SUGCT: variants seen among roughly 807,000 people sequenced by gnomAD.
SUGCT encodes the protein succinyl-CoA:glutarate CoA-transferase.
A neutral mutation model predicts 55.0 loss-of-function variants in SUGCT; 41 were observed. The observed-to-expected ratio is 0.74, with a 90% CI of 0.58 to 0.97. The LOEUF is 0.97. Among genes scored for constraint, SUGCT ranks in the 50% least tolerant of loss-of-function variants. The pLI is 0.00. For missense variants in SUGCT, 568 were observed against 547.8 expected, an observed-to-expected ratio of 1.04 and a Z score of -0.37; for synonymous variants, 187 against 200.4, an observed-to-expected ratio of 0.93 and a Z score of 0.56.
chr7:40,913,651 C>T, the SUGCT span, among the ~76,000 whole-genome samples: 43 of 152,278 alleles, frequency 2.8e-4, no homozygotes, highest in Admixed American at 6.5e-4. Flanking sequence ...CACTATTTTG[C>T]ATGCTGACTT....
intron 9 of SUGCT, among the ~76,000 whole-genome samples, chr7:40,430,383 C>T (rs1787830119): frequency 6.6e-6 from 1 of 152,180 alleles, no homozygotes; most frequent in Non-Finnish European, 1.5e-5. Flanking sequence ...GGCAGTATCT[C>T]ATAGTGGTTT....
intron 8 of SUGCT, among the ~76,000 whole-genome samples, chr7:40,278,024 T>G (rs2151010298): frequency 6.6e-6 from 1 of 152,286 alleles, no homozygotes. Flanking sequence ...GAACTCATCA[T>G]TTTTTATGGC....
Position 40,153,508 on chromosome 7 carries a change from T to C in SUGCT, c.100+18388T>C, listed in dbSNP as rs144357526. 19 of 380,230 alleles carry C rather than the reference T, an allele frequency of 5.0e-5. No homozygotes were observed. The East Asian group carries it at 1.3e-3, about 26-fold the overall frequency. 23.6% of individuals were successfully genotyped at this position (380,230 alleles called of 1,614,324 possible). ...CTCCACTGAAGACGTATCACACATT[T>C]TGGACCTATGACTCTTTTGTACCTA... On this transcript the variant is annotated intron_variant, in intron 1 of 13. Transcript: ENST00000335693.
intron 6 of SUGCT, among the ~76,000 whole-genome samples, chr7:40,226,158 G>C (rs1447328282): frequency 2.0e-5 from 3 of 152,086 alleles, no homozygotes; most frequent in Non-Finnish European, 4.4e-5. Flanking sequence ...TGCTGAGGTT[G>C]GTTTTGGAAT....
intron 13 of SUGCT, among the ~76,000 whole-genome samples, chr7:40,824,503 CAG>C (rs371140520): frequency 5.3e-4 from 81 of 152,240 alleles, no homozygotes; most frequent in African/African-American, 1.9e-3. Flanking sequence ...ATAAGCAACA[CAG>C]AGAACATACA....
intron 6 of SUGCT, among the ~76,000 whole-genome samples, chr7:40,205,502 A>G (rs1786914694): frequency 6.6e-6 from 1 of 151,206 alleles, no homozygotes. Flanking sequence ...TTAACCGGGC[A>G]TGGTGGTGCA....
intron 13 of SUGCT, among the ~76,000 whole-genome samples, chr7:40,808,665 A>G (rs1202760634): frequency 1.3e-5 from 2 of 152,206 alleles, no homozygotes; most frequent in Non-Finnish European, 1.5e-5. Context: ...GATCTTTAAG[A>G]GGCAATAAGT....
intron 9 of SUGCT, among the ~76,000 whole-genome samples, chr7:40,328,721 GTGTGTGTGTA>G (rs937031996): frequency 5.3e-5 from 8 of 151,210 alleles, no homozygotes; most frequent in Non-Finnish European, 1.0e-4. Flanking sequence ...ACATGTGTAT[GTGTGTGTGTA>G]TGTGTGTGTA....
At chr7:40,631,136 CAT>C (rs903256836) in intron 12 of SUGCT, among the ~76,000 whole-genome samples, 37 of 152,248 alleles carry the variant, frequency 2.4e-4, no homozygotes, top group African/African-American at 8.2e-4. Context: ...AAAGAACAAA[CAT>C]ATGAAAACAG....
chr7:40,769,952 T>G (rs959560503), intron 13 of SUGCT, among the ~76,000 whole-genome samples: 5 of 152,232 alleles, frequency 3.3e-5, no homozygotes, highest in African/African-American at 1.2e-4. Flanking sequence ...GCCTGTATAT[T>G]AACTCACTCA....
the SUGCT span, among the ~76,000 whole-genome samples, chr7:41,031,720 C>T: frequency 6.6e-6 from 1 of 152,188 alleles, no homozygotes; most frequent in Non-Finnish European, 1.5e-5. Context: ...TACCATTTCT[C>T]CTAGAATGAC....
chr7:40,688,253 C>G (rs1193651626), intron 12 of SUGCT, among the ~76,000 whole-genome samples: 1 of 152,180 alleles, frequency 6.6e-6, no homozygotes, highest in East Asian at 1.9e-4. Context: ...CAGTCTTTCT[C>G]TGTTACACAG....
chr7:40,232,696 G>A (rs140066984), intron 6 of SUGCT, among the ~76,000 whole-genome samples: 4 of 152,138 alleles, frequency 2.6e-5, no homozygotes, highest in Non-Finnish European at 4.4e-5. Context: ...AGAAATTCAC[G>A]TTTTGCTTTC....
At chr7:40,216,058 A>G (rs1787614515) in intron 6 of SUGCT, among the ~76,000 whole-genome samples, 1 of 151,752 alleles carries the variant, frequency 6.6e-6, no homozygotes, top group Non-Finnish European at 1.5e-5. Flanking sequence ...TAGAACAGAA[A>G]TTATTGATAT....
intron 13 of SUGCT, among the ~76,000 whole-genome samples, chr7:40,763,004 AT>A (rs1788610311): frequency 1.3e-5 from 2 of 151,682 alleles, no homozygotes; most frequent in Admixed American, 1.3e-4. Context: ...TTTAGTAGAG[AT>A]GGGGTTTCAC....
intron 13 of SUGCT, among the ~76,000 whole-genome samples, chr7:40,805,273 C>T (rs1366104528): frequency 1.3e-5 from 2 of 152,102 alleles, no homozygotes; most frequent in East Asian, 3.9e-4. Flanking sequence ...GAGCCTCATG[C>T]ATAGCACCCC....
chr7:40,301,321 G>C (rs1794524767), intron 8 of SUGCT, among the ~76,000 whole-genome samples: 1 of 152,072 alleles, frequency 6.6e-6, no homozygotes, highest in Admixed American at 6.6e-5. Flanking sequence ...ATTAATATAG[G>C]AGAATATAAA....
chr7:40,392,332 A>G (rs1785482670), intron 9 of SUGCT, among the ~76,000 whole-genome samples: 1 of 152,192 alleles, frequency 6.6e-6, no homozygotes. Context: ...AATTAGATAT[A>G]GAGATGAAAA....
chr7:40,275,729 G>A (rs1792425568), intron 8 of SUGCT, among the ~76,000 whole-genome samples: 1 of 151,876 alleles, frequency 6.6e-6, no homozygotes, highest in South Asian at 2.1e-4. Flanking sequence ...CCAGAAATCT[G>A]TTTATAGACC....
Sources: gnomAD v4.1 joint callset for allele counts (sites outside exome capture counted in the v4.1 genomes callset) on GRCh38, gnomAD v4.1.1 for gene constraint, MANE v1.5 for transcripts, NCBI Gene and HGNC (gene_info 2026-07-23, HGNC 2026-07-21) for gene names.